TTLL5: variants seen among roughly 807,000 people sequenced by gnomAD.
The protein encoded by TTLL5 is tubulin tyrosine ligase like 5, also known as tubulin polyglutamylase TTLL5.
TTLL5 carries 132 observed loss-of-function variants against 168.4 expected under a neutral mutation model. The ratio of observed to expected loss-of-function variants is 0.78; its 90% CI spans 0.68 to 0.91. TTLL5 has a LOEUF of 0.91. Ranked by LOEUF, TTLL5 falls within the 40% of genes least tolerant of loss-of-function variation. The pLI, the probability that TTLL5 is intolerant of heterozygous loss-of-function variation, is 0.00. For synonymous variants in TTLL5, 546 were observed against 558.6 expected (o/e 0.98, Z 0.32); for missense variants, 1,545 against 1,581.5 (o/e 0.98, Z 0.39).
Position 75,817,830 on chromosome 14 carries a change from C to CTTTTTTTTTTTTTTTTTTTTT in TTLL5, c.3172-2172_3172-2152dup, listed in dbSNP as rs1045988787. On this transcript the variant is annotated intron_variant, in intron 27 of 31. Transcript: ENST00000298832. ...ACCATTCTTTCTTTTCTTTTCTTTT[C>CTTTTTTTTTTTTTTTTTTTTT]TTTTTTTTTTTTTTTTTTTTTTTTT... Among the ~76,000 whole-genome samples the CTTTTTTTTTTTTTTTTTTTTT allele has an allele frequency of 4.7e-4, 39 of 83,862 alleles. 2 individuals carry two copies. Among genetic ancestry groups the CTTTTTTTTTTTTTTTTTTTTT allele is most frequent in the Non-Finnish European group, 5.2e-4 (24 of 46,516 alleles). 55.0% of individuals were successfully genotyped at this position (83,862 alleles called of 152,430 possible).
chr14:75,910,012 A>T (rs189348241), intron 31 of TTLL5, among the ~76,000 whole-genome samples: 55 of 152,342 alleles, frequency 3.6e-4, no homozygotes, highest in Admixed American at 2.4e-3. Context: ...GGGGGAGAGA[A>T]TAGGGGTACT....
At chr14:75,834,191 T>C (rs1386635933) in intron 28 of TTLL5, among the ~76,000 whole-genome samples, 2 of 151,050 alleles carry the variant, frequency 1.3e-5, no homozygotes, top group Non-Finnish European at 3.0e-5. Flanking sequence ...TTGCAGAGAG[T>C]GAATTATTGG....
At chr14:75,832,943 C>A (rs989716615) in intron 28 of TTLL5, among the ~76,000 whole-genome samples, 2 of 152,138 alleles carry the variant, frequency 1.3e-5, no homozygotes, top group Non-Finnish European at 2.9e-5. Flanking sequence ...CTTTTAACCA[C>A]CTCTGTTCTT....
intron 30 of TTLL5, among the ~76,000 whole-genome samples, chr14:75,894,200 T>C (rs139329754): frequency 6.6e-6 from 1 of 152,152 alleles, no homozygotes; most frequent in East Asian, 1.9e-4. Flanking sequence ...TTCAAACCAA[T>C]AGAGCAGGGA....
At chr14:75,826,798 G>C (rs940288677) in intron 28 of TTLL5, among the ~76,000 whole-genome samples, 2 of 152,170 alleles carry the variant, frequency 1.3e-5, no homozygotes, top group Non-Finnish European at 2.9e-5. Flanking sequence ...TCACAGGCGT[G>C]ATGAAACACA....
chr14:75,918,773 G>C (rs945162303), intron 31 of TTLL5, among the ~76,000 whole-genome samples: 3 of 151,984 alleles, frequency 2.0e-5, no homozygotes, highest in African/African-American at 7.3e-5. Context: ...TTAAATTATG[G>C]AGATTAATAT....
chr14:75,903,640 A>C (rs1471483435), intron 31 of TTLL5, among the ~76,000 whole-genome samples: 1 of 152,074 alleles, frequency 6.6e-6, no homozygotes, highest in Non-Finnish European at 1.5e-5. Flanking sequence ...ACAGTGGCTC[A>C]TGCCTATAAT....
intron 31 of TTLL5, among the ~76,000 whole-genome samples, chr14:75,953,031 C>T (rs2140226257): frequency 6.6e-6 from 1 of 152,146 alleles, no homozygotes; most frequent in South Asian, 2.1e-4. Flanking sequence ...AATTACATCT[C>T]AAAAAAGCTG....
intron 29 of TTLL5, among the ~76,000 whole-genome samples, chr14:75,871,784 ATACT>A (rs2031056522): frequency 6.6e-6 from 1 of 152,226 alleles, no homozygotes; most frequent in Admixed American, 6.5e-5. Context: ...CAGGGGAAAA[ATACT>A]TAATGAATAT....
chr14:75,662,376 G>A (rs1482532885), intron 1 of TTLL5, among the ~76,000 whole-genome samples: 3 of 151,468 alleles, frequency 2.0e-5, no homozygotes, highest in Non-Finnish European at 4.4e-5. Flanking sequence ...CCAGGCTGGA[G>A]TGCAATGGCG....
chr14:75,926,156 C>CTTTTTTTTTTTTTTT (rs34048806), intron 31 of TTLL5, among the ~76,000 whole-genome samples: 6 of 29,960 alleles, frequency 2.0e-4, no homozygotes, highest in East Asian at 1.3e-3. Flanking sequence ...GCAACCCCAG[C>CTTTTTTTTTTTTTTT]TTTTTTTTTT....
chr14:75,876,112 G>A (rs1208719937), intron 29 of TTLL5, among the ~76,000 whole-genome samples: 1 of 152,172 alleles, frequency 6.6e-6, no homozygotes, highest in African/African-American at 2.4e-5. Flanking sequence ...GCTAGATGAA[G>A]GTGTGGCTGC....
Position 75,783,264 on chromosome 14 carries a change from A to T in TTLL5, c.2720A>T (p.Asp907Val). 1 of 1,614,094 alleles carries T rather than the reference A, an allele frequency of 6.2e-7. No homozygotes were observed. The highest frequency in any genetic ancestry group is 8.5e-7 in the Non-Finnish European group (1 of 1,179,992). Residue 907 changes from aspartate to valine, a missense_variant, in exon 26 of 32, where the codon GAC becomes GTC. Transcript: ENST00000298832. Reference sequence around the variant, plus strand: ...CATTTGTCATCTGTTACAACCTCTGACCTCTCTCCAGGGCCTTGCCACCAT... The same window carrying T: ...CATTTGTCATCTGTTACAACCTCTGTCCTCTCTCCAGGGCCTTGCCACCAT... ...NTHLSSVTTS[D>V]LSPGPCHHSS...
At chr14:75,781,334 A>G (rs1410681296) in intron 24 of TTLL5, among the ~76,000 whole-genome samples, 1 of 152,210 alleles carries the variant, frequency 6.6e-6, no homozygotes, top group East Asian at 1.9e-4. Context: ...AGGAAACAAC[A>G]TTATGACATT....
chr14:75,869,714 G>A (rs2030852899), intron 29 of TTLL5, among the ~76,000 whole-genome samples: 1 of 151,850 alleles, frequency 6.6e-6, no homozygotes, highest in Non-Finnish European at 1.5e-5. Flanking sequence ...CAAGCTCATG[G>A]CTATTATGCT....
intron 3 of TTLL5, among the ~76,000 whole-genome samples, chr14:75,670,080 A>T (rs1432941682): frequency 8.5e-5 from 13 of 152,194 alleles, no homozygotes; most frequent in Admixed American, 8.5e-4. Context: ...GTTGGAGTAT[A>T]TATCAGTCCT....
At chr14:75,824,399 A>G (rs752142908) in intron 28 of TTLL5, among the ~76,000 whole-genome samples, 35 of 151,446 alleles carry the variant, frequency 2.3e-4, no homozygotes, top group Non-Finnish European at 3.5e-4. Flanking sequence ...ATTTGAAGAA[A>G]GGGTGTCAAG....
In TTLL5 at chr14:75,857,381, TTAGATAGATAGA is replaced by T. The variant is rs75729746; in HGVS notation, c.3327-6260_3327-6249del. Among the ~76,000 whole-genome samples, 56 of 149,894 alleles carry T rather than the reference TTAGATAGATAGA, an allele frequency of 3.7e-4. No individual in the cohort carries two copies. The South Asian group carries it at 0.011, about 29-fold the overall frequency. ...CTAGTGTATTTGATTGGTTGGTTGA[TTAGATAGATAGA>T]TAGATAGATAGATAGATAGATAGAT... On this transcript the variant is annotated intron_variant, in intron 28 of 31. Transcript: ENST00000298832.
intron 26 of TTLL5, among the ~76,000 whole-genome samples, chr14:75,790,480 T>C (rs1018928862): frequency 2.0e-5 from 3 of 151,750 alleles, no homozygotes; most frequent in Non-Finnish European, 4.4e-5. Flanking sequence ...TTCTTTTTTT[T>C]TTTTAATTTG....
Sources: allele counts gnomAD v4.1 joint callset (sites outside exome capture counted in the v4.1 genomes callset), GRCh38; gene constraint gnomAD v4.1.1; transcripts MANE v1.5; gene names NCBI Gene and HGNC (gene_info 2026-07-23, HGNC 2026-07-21).